The following SPATA6 variants were observed in gnomAD, a reference collection of about 807,000 sequenced individuals.
The protein encoded by SPATA6 is spermatogenesis associated 6, also known as spermatogenesis-associated protein 6.
A neutral mutation model predicts 65.3 loss-of-function variants in SPATA6; 56 were observed. That is an observed-to-expected ratio of 0.86 (90% CI 0.69 to 1.07). SPATA6 has a LOEUF of 1.07. SPATA6 is among the 50% of genes least tolerant of loss of function. The pLI is 0.00. For synonymous variants in SPATA6, 199 were observed against 213.2 expected (o/e 0.93, Z 0.58); for missense variants, 590 against 594.8 (o/e 0.99, Z 0.08).
In SPATA6 at chr1:48,399,595, A is replaced by C; in HGVS notation, c.536T>G (p.Leu179Arg). Residue 179 changes from leucine to arginine, a missense_variant, in exon 7 of 13, where the codon CTG becomes CGG. Coordinates refer to ENST00000371847, the MANE Select transcript of SPATA6 (RefSeq NM_019073.4). ...TTGTGATCTTGATGTTCTGTTTTGC[A>C]GTCTGCCATGTGATTTTTCAACTGG... ...LAPVEKSHGR[L>R]QNRTSRSQKK... 6.2e-7 allele frequency: 1 copy of C among 1,611,092 alleles called. No individual in the cohort carries two copies. Among genetic ancestry groups the C allele is most frequent in the Non-Finnish European group, 8.5e-7 (1 of 1,178,354 alleles).
chr1:48,380,532 C>A (rs1364018403), intron 9 of SPATA6, among the ~76,000 whole-genome samples: 1 of 152,144 alleles, frequency 6.6e-6, no homozygotes, highest in African/African-American at 2.4e-5. Context: ...AGGATTATAG[C>A]CACCTTAGGA....
At chr1:48,379,852 A>C (rs1187174122) in intron 9 of SPATA6, among the ~76,000 whole-genome samples, 1 of 152,230 alleles carries the variant, frequency 6.6e-6, no homozygotes, top group Non-Finnish European at 1.5e-5. Flanking sequence ...CAATGGAAAT[A>C]AAACTCACCA....
At chr1:48,301,611 T>C (rs1484925757) in intron 12 of SPATA6, among the ~76,000 whole-genome samples, 6 of 150,648 alleles carry the variant, frequency 4.0e-5, no homozygotes, top group Non-Finnish European at 1.5e-5. Context: ...AGGCATCACA[T>C]AACCTGACTT....
At chr1:48,355,534 ACTGACTTCCATCAAATGGAGCTTG>A in intron 11 of SPATA6, 112 bp downstream of exon 11, 2 of 608,672 alleles carry the variant, frequency 3.3e-6, no homozygotes, top group Non-Finnish European at 5.7e-6. Context: ...GGGCAAAACC[ACTGACTTCCATCAAATGGAGCTTG>A]CTTGCTTTCT....
At chr1:48,291,324 C>T (rs1331280757), downstream of SPATA6, among the ~76,000 whole-genome samples, 5 of 152,104 alleles carry the variant, frequency 3.3e-5, no homozygotes, top group Non-Finnish European at 4.4e-5. Flanking sequence ...TCTTTGGCTA[C>T]CAGGGCGGGT....
At chr1:48,436,487 A>G in intron 3 of SPATA6, 1 of 1,609,694 alleles carries the variant, frequency 6.2e-7, no homozygotes, top group Non-Finnish European at 8.5e-7. Context: ...GGGTTGAACT[A>G]TCTGTACCAA....
the SPATA6 span, among the ~76,000 whole-genome samples, chr1:48,272,387 A>G: frequency 6.6e-6 from 1 of 151,996 alleles, no homozygotes; most frequent in African/African-American, 2.4e-5. Context: ...TCCTACTTCT[A>G]CTTCTATGAG....
the SPATA6 span, among the ~76,000 whole-genome samples, chr1:48,283,728 C>A: frequency 2.3e-5 from 1 of 42,924 alleles, no homozygotes; most frequent in East Asian, 7.2e-4. Flanking sequence ...AAAGAAAATT[C>A]TTTTCTTTAA....
chr1:48,381,620 T>C (rs1439138574), intron 9 of SPATA6, among the ~76,000 whole-genome samples: 1 of 148,928 alleles, frequency 6.7e-6, no homozygotes, highest in Non-Finnish European at 1.5e-5. Flanking sequence ...ACATAAACAA[T>C]GATATTTTAA....
Position 48,355,669 on chromosome 1 carries a change from CAT to C in SPATA6, c.1193_1194del (p.Tyr398Ter). On this transcript the variant is annotated frameshift_variant and splice_region_variant, in exon 11 of 13. Transcript: ENST00000371847. LOFTEE classifies it high-confidence loss of function. ...KSHQAHQRHL[Y>X]DERDLEKDDE... The stretch of plus-strand genomic sequence containing the variant: ...TTCAAAAAAAAATTTTAGAAACTAA[CAT>C]ATAAATGTCTTTGATGAGCCTGATG... The C allele has an allele frequency of 6.2e-7, 1 of 1,600,810 alleles. No individual in the cohort carries two copies. The highest frequency in any genetic ancestry group is 8.5e-7 in the Non-Finnish European group (1 of 1,172,626).
chr1:48,444,354 C>A (rs1173111840), intron 3 of SPATA6, among the ~76,000 whole-genome samples: 2 of 151,178 alleles, frequency 1.3e-5, no homozygotes, highest in Non-Finnish European at 2.9e-5. Flanking sequence ...CTGGGTCCAG[C>A]TGAAGGACTG....
the SPATA6 span, among the ~76,000 whole-genome samples, chr1:48,269,993 C>T: frequency 6.6e-6 from 1 of 152,144 alleles, no homozygotes; most frequent in East Asian, 1.9e-4. Context: ...TGTTCAAAGA[C>T]ACTGTCTTTC....
intron 3 of SPATA6, among the ~76,000 whole-genome samples, chr1:48,416,023 C>T (rs376894861): frequency 2.0e-5 from 3 of 151,982 alleles, no homozygotes; most frequent in African/African-American, 7.2e-5. Context: ...GGCAACGTGG[C>T]GAAACCCTGT....
chr1:48,270,111 G>C, the SPATA6 span, among the ~76,000 whole-genome samples: 6 of 152,022 alleles, frequency 3.9e-5, no homozygotes, highest in African/African-American at 1.4e-4. Context: ...TTAAACTTGT[G>C]GTTACTCAGC....
the SPATA6 span, among the ~76,000 whole-genome samples, chr1:48,285,767 C>T: frequency 6.6e-6 from 1 of 152,144 alleles, no homozygotes; most frequent in Admixed American, 6.5e-5. Flanking sequence ...GCAGGCTGCA[C>T]CCATTATCTA....
At chr1:48,458,652 T>G (rs1443072996) in intron 1 of SPATA6, among the ~76,000 whole-genome samples, 2 of 152,164 alleles carry the variant, frequency 1.3e-5, no homozygotes, top group African/African-American at 2.4e-5. Context: ...GGGATGAACC[T>G]TAAAAGCATT....
At chr1:48,438,728 T>A (rs996580104) in intron 3 of SPATA6, among the ~76,000 whole-genome samples, 1 of 152,204 alleles carries the variant, frequency 6.6e-6, no homozygotes, top group African/African-American at 2.4e-5. Flanking sequence ...TCTCCGAGAC[T>A]AGTCCCGCTT....
intron 9 of SPATA6, among the ~76,000 whole-genome samples, chr1:48,362,432 T>G (rs901433268): frequency 2.6e-4 from 40 of 152,182 alleles, no homozygotes; most frequent in African/African-American, 9.6e-4. Flanking sequence ...TGCTAAATTT[T>G]ATCCCCAAAC....
At chr1:48,469,445 A>T (rs557397078) in intron 1 of SPATA6, among the ~76,000 whole-genome samples, 1 of 144,276 alleles carries the variant, frequency 6.9e-6, no homozygotes, top group African/African-American at 2.6e-5. Flanking sequence ...TTTATACGCT[A>T]CCTATTTCAT....
Sources: allele counts gnomAD v4.1 joint callset (sites outside exome capture counted in the v4.1 genomes callset), GRCh38; gene constraint gnomAD v4.1.1; transcripts MANE v1.5; gene names NCBI Gene and HGNC (gene_info 2026-07-23, HGNC 2026-07-21).